The following SLC38A11 variants were observed in gnomAD, a reference collection of about 807,000 sequenced individuals.
The protein encoded by SLC38A11 is putative sodium-coupled neutral amino acid transporter 11.
Under a neutral mutation model 49.4 loss-of-function variants are expected in SLC38A11, and 51 were observed. That is an observed-to-expected ratio of 1.03 (90% CI 0.83 to 1.30). SLC38A11 has a LOEUF of 1.30. SLC38A11 is among the 50% of genes most tolerant of loss of function. The pLI, the probability that SLC38A11 is intolerant of heterozygous loss-of-function variation, is 0.00. For synonymous variants in SLC38A11, 203 were observed against 192.9 expected (o/e 1.05, Z -0.43); for missense variants, 574 against 556.2 (o/e 1.03, Z -0.32).
chr2:164,950,398 G>A (rs982145349), intron 3 of SLC38A11, among the ~76,000 whole-genome samples: 1 of 152,150 alleles, frequency 6.6e-6, no homozygotes, highest in African/African-American at 2.4e-5. Flanking sequence ...AGTTCACAAT[G>A]ATCACTTAAA....
At chr2:164,929,356 G>C (rs1573954438) in intron 7 of SLC38A11, among the ~76,000 whole-genome samples, 1 of 152,194 alleles carries the variant, frequency 6.6e-6, no homozygotes, top group East Asian at 1.9e-4. Flanking sequence ...CCTAGATCCA[G>C]GTGTGGGCAT....
At chr2:164,936,808 G>A (rs13000693) in intron 7 of SLC38A11, among the ~76,000 whole-genome samples, 10,478 of 150,960 alleles carry the variant, frequency 0.069, 397 homozygotes, top group Admixed American at 0.1. Context: ...TAAAATTGGG[G>A]GAACTAATAC....
chr2:164,921,047 A>G (rs1657966703), intron 7 of SLC38A11, among the ~76,000 whole-genome samples: 1 of 152,120 alleles, frequency 6.6e-6, no homozygotes, highest in African/African-American at 2.4e-5. Flanking sequence ...ACAAGAAGAG[A>G]AACATAAACT....
In SLC38A11 at chr2:164,895,775, G is replaced by A. The variant is rs1000834233; in HGVS notation, c.*2662C>T. The A allele has an allele frequency of 5.9e-5, 9 of 152,168 alleles. No homozygotes were observed. Among genetic ancestry groups the A allele is most frequent in the African/African-American group, 1.7e-4 (7 of 41,448 alleles). 9.4% of individuals were successfully genotyped at this position (152,168 alleles called of 1,614,324 possible). A position where few individuals can be genotyped will look rare whatever the true frequency, so the allele number is the denominator to read the frequency against. ...GTGCGTTCAGGAAGGTATGGTCATA[G>A]ACAGTTTACCCATTCTGATGTTTGA... On this transcript the variant is annotated 3_prime_UTR_variant, in exon 12 of 12. Coordinates refer to ENST00000685975, the MANE Select transcript of SLC38A11 (RefSeq NM_001351537.2).
chr2:164,945,171 G>T (rs1688018232), intron 4 of SLC38A11, among the ~76,000 whole-genome samples: 1 of 151,522 alleles, frequency 6.6e-6, no homozygotes, highest in African/African-American at 2.4e-5. Flanking sequence ...CATTTTTTAA[G>T]AAGTGCTAGG....
At chr2:164,927,607 C>G (rs1344982861) in intron 7 of SLC38A11, among the ~76,000 whole-genome samples, 2 of 152,130 alleles carry the variant, frequency 1.3e-5, no homozygotes, top group Admixed American at 6.6e-5. Context: ...TGTATCTCAT[C>G]TCTGCATCAC....
In SLC38A11 at chr2:164,937,968, G is replaced by A. The variant is rs764833220; in HGVS notation, c.538-539C>T. ...TACCTGGTTTTGCCCTTTGGTCTGC[G>A]TTCCTAGGCCTGTTTTGCTTCTTCC... On this transcript the variant is annotated intron_variant, in intron 6 of 11. Transcript: ENST00000685975. 6.3e-4 allele frequency among the ~76,000 whole-genome samples: 96 copies of A among 151,320 alleles called. 1 individual carries two copies. Among genetic ancestry groups the A allele is most frequent in the Non-Finnish European group, 1.1e-3 (77 of 67,868 alleles).
intron 7 of SLC38A11, among the ~76,000 whole-genome samples, chr2:164,932,672 G>A (rs1330159011): frequency 6.6e-6 from 1 of 152,048 alleles, no homozygotes; most frequent in Admixed American, 6.6e-5. Context: ...TTTATAAGCG[G>A]GAGCTAAAAG....
chr2:164,911,696 T>A lies in SLC38A11; in HGVS notation c.903A>T (p.Arg301Ser). Residue 301 changes from arginine (R) to serine (S), a missense_variant, in exon 10 of 12, where the codon AGA (arginine) becomes AGT (serine). Coordinates refer to ENST00000685975, the MANE Select transcript of SLC38A11 (RefSeq NM_001351537.2). ...AAATGACAGTGACACCATAACAAAA[T>A]CTTCCAAATGTTACCAGGTCATCAT... is the stretch of plus-strand genomic sequence containing the variant. Reference protein sequence around the residue: ...CRNDDLVTFGRFCYGVTVILT... With the variant: ...CRNDDLVTFGSFCYGVTVILT... 1 of 1,607,862 alleles carries A rather than the reference T, an allele frequency of 6.2e-7. No homozygotes were observed. The highest frequency in any genetic ancestry group is 2.2e-5 in the East Asian group (1 of 44,616).
At chr2:164,951,644 G>A (rs928371557) in intron 3 of SLC38A11, among the ~76,000 whole-genome samples, 2 of 152,144 alleles carry the variant, frequency 1.3e-5, no homozygotes, top group African/African-American at 4.8e-5. Flanking sequence ...GGCAGGTCTT[G>A]GAAGCCTGAG....
Position 164,955,423 on chromosome 2 carries a change from C to A in SLC38A11, c.-176G>T. 1 of 608,682 alleles carries A rather than the reference C, an allele frequency of 1.6e-6. No individual in the cohort carries two copies. 37.7% of individuals were successfully genotyped at this position (608,682 alleles called of 1,614,324 possible). On this transcript the variant is annotated 5_prime_UTR_variant, in exon 1 of 12. Coordinates refer to ENST00000685975, the MANE Select transcript of SLC38A11 (RefSeq NM_001351537.2). ...CTCGGCAGGCCGCGAGGGCTGCAGCCCCAAGATCTCTAGGCTGTGGCAGCC... is the reference window on the plus strand; with the variant it reads ...CTCGGCAGGCCGCGAGGGCTGCAGCACCAAGATCTCTAGGCTGTGGCAGCC...
At chr2:164,906,663 C>G (rs1685028069) in intron 11 of SLC38A11, among the ~76,000 whole-genome samples, 1 of 152,178 alleles carries the variant, frequency 6.6e-6, no homozygotes, top group Non-Finnish European at 1.5e-5. Context: ...AGTGGCCCTA[C>G]TAGTGTTTGG....
chr2:164,910,797 C>G (rs1026797179), intron 10 of SLC38A11, among the ~76,000 whole-genome samples: 5 of 152,058 alleles, frequency 3.3e-5, no homozygotes, highest in African/African-American at 1.2e-4. Context: ...CCCTGAAAGA[C>G]CCACTGTGAA....
intron 7 of SLC38A11, among the ~76,000 whole-genome samples, chr2:164,928,196 G>A (rs1178444010): frequency 2.6e-5 from 4 of 152,146 alleles, no homozygotes; most frequent in African/African-American, 4.8e-5. Context: ...AATCTTCCTG[G>A]TAAAACATAC....
intron 9 of SLC38A11, among the ~76,000 whole-genome samples, chr2:164,914,133 C>G (rs1685595873): frequency 6.6e-6 from 1 of 152,004 alleles, no homozygotes; most frequent in Admixed American, 6.6e-5. Context: ...TCTGGTTTGT[C>G]ATCAGCCAGC....
At chr2:164,925,636 C>A (rs949275322) in intron 7 of SLC38A11, among the ~76,000 whole-genome samples, 1 of 152,084 alleles carries the variant, frequency 6.6e-6, no homozygotes, top group African/African-American at 2.4e-5. Context: ...CCTTCCTATC[C>A]TGGTAAATAA....
intron 10 of SLC38A11, among the ~76,000 whole-genome samples, chr2:164,909,004 C>T (rs1685215240): frequency 6.6e-6 from 1 of 152,032 alleles, no homozygotes; most frequent in Admixed American, 6.6e-5. Context: ...TATTACAGAC[C>T]TATAGTGTGG....
intron 5 of SLC38A11, among the ~76,000 whole-genome samples, chr2:164,942,432 C>CAAAA (rs138965956): frequency 8.5e-4 from 88 of 103,382 alleles, no homozygotes; most frequent in African/African-American, 2.2e-3. Context: ...GACTCTGTCT[C>CAAAA]AAAAAAAAAA....
intron 5 of SLC38A11, among the ~76,000 whole-genome samples, chr2:164,940,766 A>G (rs915093350): frequency 1.3e-5 from 2 of 150,424 alleles, no homozygotes; most frequent in Non-Finnish European, 1.5e-5. Context: ...ATATATGTGT[A>G]TGTGTGTGTA....
Sources: gnomAD v4.1 joint callset for allele counts (sites outside exome capture counted in the v4.1 genomes callset) on GRCh38, gnomAD v4.1.1 for gene constraint, MANE v1.5 for transcripts, NCBI Gene and HGNC (gene_info 2026-07-23, HGNC 2026-07-21) for gene names.